SOX5: variants seen among roughly 807,000 people sequenced by gnomAD.
The protein encoded by SOX5 is SRY-box transcription factor 5.
Under a neutral mutation model 92.0 loss-of-function variants are expected in SOX5, and 9 were observed. The observed-to-expected ratio is 0.10, with a 90% CI of 0.06 to 0.17. The LOEUF (loss-of-function observed/expected upper bound fraction) is 0.17, where lower values mean the gene tolerates loss of function less well. SOX5 is among the 10% of genes least tolerant of loss of function. SOX5 has a pLI of 1.00. For synonymous variants in SOX5, 344 were observed against 336.3 expected, an observed-to-expected ratio of 1.02 and a Z score of -0.25; for missense variants, 642 against 944.5, an observed-to-expected ratio of 0.68 and a Z score of 4.20.
intron 3 of SOX5, among the ~76,000 whole-genome samples, chr12:24,247,341 G>C (rs1033107785): frequency 6.6e-6 from 1 of 152,076 alleles, no homozygotes; most frequent in African/African-American, 2.4e-5. Flanking sequence ...ACCCTATCTA[G>C]ACTGCAGAGT....
At chr12:24,202,818 T>C (rs1957654065) in intron 4 of SOX5, among the ~76,000 whole-genome samples, 1 of 152,216 alleles carries the variant, frequency 6.6e-6, no homozygotes, top group African/African-American at 2.4e-5. Flanking sequence ...GATGGTGATA[T>C]ATCTCATTAC....
At chr12:23,995,995 T>C (rs1352037823) in intron 4 of SOX5, among the ~76,000 whole-genome samples, 1 of 152,212 alleles carries the variant, frequency 6.6e-6, no homozygotes, top group Non-Finnish European at 1.5e-5. Flanking sequence ...ATAGACAAAA[T>C]CATTTTCTCA....
chr12:24,146,144 T>C (rs922981912), intron 4 of SOX5, among the ~76,000 whole-genome samples: 5 of 152,182 alleles, frequency 3.3e-5, no homozygotes, highest in South Asian at 4.1e-4. Context: ...TTGAACTAAC[T>C]GGCATTGGTA....
In SOX5 at chr12:24,126,830, G is replaced by T. The variant is rs148373899; in HGVS notation, c.-2+86513C>A. Among the ~76,000 whole-genome samples, 963 of 152,076 alleles carry T rather than the reference G, an allele frequency of 6.3e-3. 4 individuals are homozygous for T. Among genetic ancestry groups the T allele is most frequent in the South Asian group, 0.011 (51 of 4,770 alleles). On this transcript the variant is annotated intron_variant, in intron 4 of 4. Coordinates refer to the SOX5 transcript ENST00000446891. ...TGCTCTTTCTGGGGTCACTGAACATGATGGGGGTCATCTCACATCCACCTT... is the reference window on the plus strand; with the variant it reads ...TGCTCTTTCTGGGGTCACTGAACATTATGGGGGTCATCTCACATCCACCTT...
At chr12:24,459,097 T>TC (rs1340108814) in intron 1 of SOX5, among the ~76,000 whole-genome samples, 3 of 152,154 alleles carry the variant, frequency 2.0e-5, no homozygotes, top group African/African-American at 7.2e-5. Flanking sequence ...TTGTTTCCGT[T>TC]CCCCCTCTCC....
intron 1 of SOX5, among the ~76,000 whole-genome samples, chr12:23,945,816 T>A (rs1421437404): frequency 1.3e-5 from 2 of 152,226 alleles, no homozygotes; most frequent in South Asian, 2.1e-4. Context: ...TACTTATCAC[T>A]CATGAGCACA....
chr12:23,642,949 T>C (rs2138793887), intron 7 of SOX5, among the ~76,000 whole-genome samples: 1 of 137,128 alleles, frequency 7.3e-6, no homozygotes, highest in South Asian at 2.7e-4. Flanking sequence ...TAGCCGGGCG[T>C]AGTGGCGGGC....
chr12:24,553,272 G>T (rs553559943), intron 1 of SOX5, among the ~76,000 whole-genome samples: 1 of 152,310 alleles, frequency 6.6e-6, no homozygotes, highest in East Asian at 1.9e-4. Context: ...AGCTGAGGAA[G>T]ATGGGCAAGT....
At chr12:24,304,861 G>A (rs964609463) in intron 2 of SOX5, among the ~76,000 whole-genome samples, 3 of 152,160 alleles carry the variant, frequency 2.0e-5, no homozygotes, top group Admixed American at 6.5e-5. Flanking sequence ...TTCAATCAGC[G>A]TGGTCATCGT....
At chr12:24,334,649 A>T (rs1358335760) in intron 2 of SOX5, among the ~76,000 whole-genome samples, 1 of 152,140 alleles carries the variant, frequency 6.6e-6, no homozygotes, top group African/African-American at 2.4e-5. Context: ...AGTTCTAAGG[A>T]TCTGCCTTTA....
chr12:24,126,917 C>T (rs1002641996), intron 4 of SOX5, among the ~76,000 whole-genome samples: 11 of 152,136 alleles, frequency 7.2e-5, no homozygotes, highest in African/African-American at 2.7e-4. Context: ...TTAACTACAT[C>T]CTGTTTCAGA....
intron 2 of SOX5, among the ~76,000 whole-genome samples, chr12:23,884,743 A>G (rs1004002665): frequency 6.6e-6 from 1 of 152,340 alleles, no homozygotes; most frequent in African/African-American, 2.4e-5. Context: ...CATTTTAACT[A>G]TCCAAGAATG....
Position 24,397,116 on chromosome 12 carries a change from C to G in SOX5, c.-250-28477G>C, listed in dbSNP as rs187931574. 1.2e-3 allele frequency among the ~76,000 whole-genome samples: 181 copies of G among 152,298 alleles called. 1 individual carries two copies. The highest frequency in any genetic ancestry group is 2.0e-3 in the Non-Finnish European group (135 of 68,018). ...GGTGCGTGTTTAGAAACCCTCCAATCATTCTAACATGATCATCTAGTAATA... is the reference window on the plus strand; with the variant it reads ...GGTGCGTGTTTAGAAACCCTCCAATGATTCTAACATGATCATCTAGTAATA... On this transcript the variant is annotated intron_variant, in intron 1 of 4. Coordinates refer to the SOX5 transcript ENST00000446891.
At chr12:24,254,933 G>C (rs1433745119) in intron 3 of SOX5, among the ~76,000 whole-genome samples, 2 of 152,026 alleles carry the variant, frequency 1.3e-5, no homozygotes, top group East Asian at 3.9e-4. Context: ...TCCTAAAGAA[G>C]AGGTAAGAAA....
At chr12:24,067,823 A>G (rs1280825436) in intron 4 of SOX5, among the ~76,000 whole-genome samples, 1 of 152,220 alleles carries the variant, frequency 6.6e-6, no homozygotes, top group Non-Finnish European at 1.5e-5. Flanking sequence ...GTAAAAATAA[A>G]TAAGCAACAT....
intron 4 of SOX5, among the ~76,000 whole-genome samples, chr12:24,091,592 G>A (rs923699486): frequency 2.6e-5 from 4 of 151,852 alleles, no homozygotes; most frequent in African/African-American, 9.7e-5. Flanking sequence ...ACCACACCCA[G>A]CTAGTTTTTT....
chr12:24,333,449 G>A (rs1043903127), intron 2 of SOX5, among the ~76,000 whole-genome samples: 9 of 151,892 alleles, frequency 5.9e-5, no homozygotes, highest in Non-Finnish European at 1.0e-4. Context: ...TAAACTTAAC[G>A]GGATCTTAAG....
At chr12:24,349,252 T>G (rs970737128) in intron 2 of SOX5, among the ~76,000 whole-genome samples, 28 of 152,222 alleles carry the variant, frequency 1.8e-4, no homozygotes, top group African/African-American at 6.8e-4. Context: ...CTGTCTGTAC[T>G]TCCTTTAAAA....
chr12:23,760,195 AG>A, intron 3 of SOX5, among the ~76,000 whole-genome samples: 1 of 152,104 alleles, frequency 6.6e-6, no homozygotes, highest in African/African-American at 2.4e-5. Flanking sequence ...GAATGCTGCC[AG>A]ATACAATTTT....
Sources: gnomAD v4.1 joint callset for allele counts (sites outside exome capture counted in the v4.1 genomes callset) on GRCh38, gnomAD v4.1.1 for gene constraint, MANE v1.5 for transcripts, NCBI Gene and HGNC (gene_info 2026-07-23, HGNC 2026-07-21) for gene names.